The following AOX1 variants were observed in gnomAD, a reference collection of about 807,000 sequenced individuals.
AOX1 encodes the protein aldehyde oxidase 1, also known as aldehyde oxidase.
A neutral mutation model predicts 169.5 loss-of-function variants in AOX1; 153 were observed. That is an observed-to-expected ratio of 0.90 (90% CI 0.79 to 1.03). AOX1 has a LOEUF of 1.03. AOX1 is among the 50% of genes least tolerant of loss of function. The pLI is 0.00. For synonymous variants in AOX1, 562 were observed against 581.9 expected, an observed-to-expected ratio of 0.97 and a Z score of 0.49; for missense variants, 1,656 against 1,663.9, an observed-to-expected ratio of 1.00 and a Z score of 0.08.
At chr2:200,615,069 T>C (rs969402734) in intron 15 of AOX1, among the ~76,000 whole-genome samples, 1 of 152,214 alleles carries the variant, frequency 6.6e-6, no homozygotes, top group African/African-American at 2.4e-5. Context: ...AGTGGTGTGA[T>C]ATCATAGCTC....
chr2:200,655,245 C>T (rs2035659802), intron 26 of AOX1, among the ~76,000 whole-genome samples: 1 of 152,158 alleles, frequency 6.6e-6, no homozygotes, highest in Non-Finnish European at 1.5e-5. Flanking sequence ...TCCTTCCTTT[C>T]AGGGGGCTCA....
At position 200,669,623 on chromosome 2, in the gene AOX1, A is replaced by C; in HGVS notation, c.3847A>C (p.Ile1283Leu). The stretch of plus-strand genomic sequence containing the variant: ...CCTGGGGTGTTCCGTGTTTTTCGCT[A>C]TCCATGACGCAGTGAGTGCAGCACG... ...VFLGCSVFFA[I>L]HDAVSAARQE... Residue 1283 changes from isoleucine to leucine, a missense_variant, in exon 34 of 35, where the codon ATC (isoleucine) becomes CTC (leucine). Transcript: ENST00000374700. The C allele has an allele frequency of 1.2e-6, 2 of 1,613,940 alleles. No homozygotes were observed. Among genetic ancestry groups the C allele is most frequent in the East Asian group, 4.5e-5 (2 of 44,858 alleles).
chr2:200,588,820 AT>A (rs2034104232), intron 1 of AOX1, among the ~76,000 whole-genome samples: 1 of 146,006 alleles, frequency 6.8e-6, no homozygotes, highest in Non-Finnish European at 1.5e-5. Flanking sequence ...CACCACGCTA[AT>A]TTTTGTATTT....
intron 31 of AOX1, among the ~76,000 whole-genome samples, chr2:200,664,022 G>C (rs3769831): frequency 6.6e-6 from 1 of 151,780 alleles, no homozygotes; most frequent in African/African-American, 2.4e-5. Context: ...GGGTAACCTC[G>C]CACTAGGGCA....
chr2:200,601,000 C>T (rs915452900), intron 5 of AOX1, among the ~76,000 whole-genome samples: 3 of 150,092 alleles, frequency 2.0e-5, no homozygotes, highest in Non-Finnish European at 4.4e-5. Flanking sequence ...TGCCCTACTG[C>T]TTTCACAGTT....
chr2:200,586,267 C>G, intron 1 of AOX1, 114 bp downstream of exon 1: 1 of 1,170,098 alleles, frequency 8.5e-7, no homozygotes, highest in Non-Finnish European at 1.2e-6. Context: ...CACTCAGGCA[C>G]GGACTGGCTT....
chr2:200,620,904 A>G, intron 17 of AOX1, 85 bp downstream of exon 17: 1 of 1,461,448 alleles, frequency 6.8e-7, no homozygotes, highest in South Asian at 1.3e-5. Flanking sequence ...GGTGTGAAGA[A>G]ATAGGCTATT....
downstream of AOX1, among the ~76,000 whole-genome samples, chr2:200,675,854 C>G (rs953079080): frequency 4.0e-5 from 6 of 150,910 alleles, no homozygotes; most frequent in Non-Finnish European, 7.4e-5. Context: ...CATGGAGAAC[C>G]TAAGTATTAG....
At chr2:200,609,219 A>G (rs1040607278) in intron 11 of AOX1, 84 bp downstream of exon 11, 7 of 1,594,782 alleles carry the variant, frequency 4.4e-6, no homozygotes, top group Non-Finnish European at 8.6e-7. Flanking sequence ...ATTCTTTTGG[A>G]ACAGACAAAA....
intron 31 of AOX1, among the ~76,000 whole-genome samples, chr2:200,665,063 G>A (rs1171314661): frequency 6.6e-6 from 1 of 152,322 alleles, no homozygotes; most frequent in East Asian, 1.9e-4. Context: ...TTGGCCAGAG[G>A]CCTCCATTCT....
rs142604856 is a variant in AOX1 at position 200,642,751 on chromosome 2, G to A, written c.2797G>A (p.Glu933Lys). ...FGFPQAALIT[E>K]SCITEVAAKC... ...CTTTCCTCAGGCAGCGCTGATCACCGAATCTTGTATCACGGAAGTTGCAGC... is the reference window on the plus strand; with the variant it reads ...CTTTCCTCAGGCAGCGCTGATCACCAAATCTTGTATCACGGAAGTTGCAGC... Residue 933 changes from glutamate (E) to lysine (K), a missense_variant, in exon 25 of 35, where the codon GAA (glutamate) becomes AAA (lysine). Physicochemically the swap from Glu to Lys is moderately conservative, Grantham distance 56 (BLOSUM62 1). Coordinates refer to ENST00000374700, the MANE Select transcript of AOX1 (RefSeq NM_001159.4). The A allele has an allele frequency of 3.9e-5, 63 of 1,613,916 alleles. No homozygotes were observed. The African/African-American group carries it at 5.1e-4, about 13-fold the overall frequency.
chr2:200,664,291 T>G (rs1440666088), intron 31 of AOX1, among the ~76,000 whole-genome samples: 1 of 152,164 alleles, frequency 6.6e-6, no homozygotes, highest in Non-Finnish European at 1.5e-5. Context: ...ACCCAGCTAA[T>G]TTTTGTATTT....
chr2:200,593,289 A>G (rs2106365493), intron 2 of AOX1, 86 bp downstream of exon 2: 1 of 1,102,710 alleles, frequency 9.1e-7, no homozygotes, highest in Non-Finnish European at 1.4e-6. Context: ...TCAAATATAC[A>G]TTAGAGACAC....
At chr2:200,591,009 T>C (rs2034160912) in intron 1 of AOX1, among the ~76,000 whole-genome samples, 1 of 152,226 alleles carries the variant, frequency 6.6e-6, no homozygotes, top group Admixed American at 6.5e-5. Context: ...ACCTACAGTT[T>C]CTGCCACCAA....
At chr2:200,678,789 T>G (rs777985010), downstream of AOX1, among the ~76,000 whole-genome samples, 2 of 152,134 alleles carry the variant, frequency 1.3e-5, no homozygotes, top group Non-Finnish European at 2.9e-5. Context: ...ATTTTCCTTC[T>G]GTCATGCATC....
Position 200,642,802 on chromosome 2 carries a change from G to C in AOX1, c.2847+1G>C. ...CAAATGTGGACTATCCCCTGAGAAGGTAATACTAAATCAGCTTCACAGACA... is the reference window on the plus strand; with the variant it reads ...CAAATGTGGACTATCCCCTGAGAAGCTAATACTAAATCAGCTTCACAGACA... On this transcript the variant is annotated splice_donor_variant, in intron 25 of 34. Transcript: ENST00000374700. LOFTEE classifies it high-confidence loss of function. 2 of 1,610,578 alleles carry C rather than the reference G, an allele frequency of 1.2e-6. No homozygotes were observed. Among genetic ancestry groups the C allele is most frequent in the Non-Finnish European group, 1.7e-6 (2 of 1,177,980 alleles).
chr2:200,661,731 C>T (rs1054094355), intron 30 of AOX1, 100 bp downstream of exon 30: 1 of 847,816 alleles, frequency 1.2e-6, no homozygotes. Context: ...GACTTTCTAC[C>T]TTCTATTTAC....
At position 200,669,687 on chromosome 2, in the gene AOX1, G is replaced by T; in HGVS notation, c.3911G>T (p.Ser1304Ile). 6 of 1,613,956 alleles carry T rather than the reference G, an allele frequency of 3.7e-6. No homozygotes were observed. Among genetic ancestry groups the T allele is most frequent in the Non-Finnish European group, 5.1e-6 (6 of 1,180,006 alleles). Residue 1304 changes from serine to isoleucine, a missense_variant, in exon 34 of 35, where the codon AGT (serine) becomes ATT (isoleucine). By Grantham distance (142) the Ser-to-Ile change is moderately radical. Coordinates refer to ENST00000374700, the MANE Select transcript of AOX1 (RefSeq NM_001159.4). ...CTGCATGGACCCTTGACCCTTAATA[G>T]TCCACTGACCCCGGAGAAGATTAGG... ...RGLHGPLTLN[S>I]PLTPEKIRMA...
intron 31 of AOX1, among the ~76,000 whole-genome samples, chr2:200,664,091 G>A (rs2035881810): frequency 6.6e-6 from 1 of 151,024 alleles, no homozygotes; most frequent in South Asian, 2.1e-4. Context: ...ACACTACTAG[G>A]GAGCGGGTTC....
Sources: gnomAD v4.1 joint callset for allele counts (sites outside exome capture counted in the v4.1 genomes callset) on GRCh38, gnomAD v4.1.1 for gene constraint, MANE v1.5 for transcripts, NCBI Gene and HGNC (gene_info 2026-07-23, HGNC 2026-07-21) for gene names.